The following PTPN20 variants were observed in gnomAD, a reference collection of about 807,000 sequenced individuals.
The protein encoded by PTPN20 is protein tyrosine phosphatase non-receptor type 20.
In PTPN20, 9 loss-of-function variants were observed where a neutral mutation model predicts 35.0. The ratio of observed to expected loss-of-function variants is 0.26; its 90% confidence interval spans 0.15 to 0.45. The LOEUF (loss-of-function observed/expected upper bound fraction) is 0.45, where lower values mean the gene tolerates loss of function less well. Among genes scored for constraint, PTPN20 ranks in the 20% least tolerant of loss-of-function variants. The pLI is 1.00. For missense variants in PTPN20, 111 were observed against 312.5 expected, an observed-to-expected ratio of 0.36 and a Z score of 4.86; for synonymous variants, 32 against 100.2, an observed-to-expected ratio of 0.32 and a Z score of 4.06.
In PTPN20 at chr10:46,922,768, A is replaced by G. The variant is rs1295641043; in HGVS notation, c.-123-9609A>G. 7.2e-5 allele frequency among the ~76,000 whole-genome samples: 10 copies of G among 138,130 alleles called. No homozygotes were observed. In the East Asian group the frequency reaches 1.6e-3, roughly 22 times the overall value. The allele number at this position is 138,130 out of a possible 152,430, so 90.6% of individuals were successfully genotyped here. ...GAAACCTAATGAAAATTTCCCTGCC[A>G]TGTTTTGGACTTGTTTGAGACCTGT... On this transcript the variant is annotated intron_variant, in intron 1 of 10. Coordinates refer to ENST00000374339, the MANE Select transcript of PTPN20 (RefSeq NM_001042357.5).
intron 9 of PTPN20, among the ~76,000 whole-genome samples, chr10:46,992,813 T>A (rs2058246421): frequency 6.6e-6 from 1 of 152,240 alleles, no homozygotes; most frequent in East Asian, 1.9e-4. Context: ...ATTGCCAAAG[T>A]TCTTGCATTA....
intron 2 of PTPN20, among the ~76,000 whole-genome samples, chr10:46,933,428 T>C (rs2040409849): frequency 6.6e-6 from 1 of 151,404 alleles, no homozygotes; most frequent in African/African-American, 2.4e-5. Context: ...CTTGTGTAAC[T>C]GTTACTTGAT....
At chr10:46,995,154 A>T (rs1320845281) in intron 9 of PTPN20, among the ~76,000 whole-genome samples, 1 of 152,000 alleles carries the variant, frequency 6.6e-6, no homozygotes, top group Non-Finnish European at 1.5e-5. Context: ...TGGGGAGGTC[A>T]TGGTTTTGTG....
intron 5 of PTPN20, among the ~76,000 whole-genome samples, chr10:46,953,668 A>G (rs1469310784): frequency 7.2e-6 from 1 of 138,570 alleles, no homozygotes; most frequent in Non-Finnish European, 1.5e-5. Context: ...AGATCATCAT[A>G]TAGTTTTTCT....
At chr10:46,997,643 T>C (rs1253429922) in intron 9 of PTPN20, among the ~76,000 whole-genome samples, 42 of 142,214 alleles carry the variant, frequency 3.0e-4, no homozygotes, top group African/African-American at 9.1e-4. Context: ...AGCTAGAGAG[T>C]AACTATATGC....
intron 1 of PTPN20, among the ~76,000 whole-genome samples, chr10:46,925,274 C>A (rs2132591082): frequency 6.7e-6 from 1 of 148,680 alleles, no homozygotes; most frequent in African/African-American, 2.5e-5. Context: ...GCAACTTTAG[C>A]CACTCGCTTC....
chr10:46,999,637 T>A (rs1188892275), intron 9 of PTPN20, among the ~76,000 whole-genome samples: 1 of 152,222 alleles, frequency 6.6e-6, no homozygotes, highest in Non-Finnish European at 1.5e-5. Flanking sequence ...AAGTTCTGCC[T>A]TTGGATAACA....
intron 1 of PTPN20, chr10:46,925,896 T>TG (rs1167975282): frequency 1.1e-6 from 1 of 881,844 alleles, no homozygotes; most frequent in Middle Eastern, 5.8e-4. Flanking sequence ...AGGTTGGCCT[T>TG]TAGGCATATG....
At chr10:46,935,854 T>C (rs2041435597) in intron 2 of PTPN20, among the ~76,000 whole-genome samples, 1 of 152,194 alleles carries the variant, frequency 6.6e-6, no homozygotes, top group South Asian at 2.1e-4. Context: ...GTAGTTCTGT[T>C]TTATGTTCAT....
intron 1 of PTPN20, chr10:46,926,194 A>T: frequency 2.0e-6 from 2 of 982,960 alleles, no homozygotes; most frequent in Non-Finnish European, 2.4e-6. Context: ...TGGTTTGATG[A>T]TCTTTTATTG....
At position 47,001,912 on chromosome 10, in the gene PTPN20, G is replaced by A. The variant is rs929495305; in HGVS notation, c.*1171G>A. 5 of 152,018 alleles carry A rather than the reference G, an allele frequency of 3.3e-5. No individual in the cohort carries two copies. In the East Asian group the frequency reaches 5.8e-4, roughly 18 times the overall value. The allele number at this position is 152,018 out of a possible 1,614,324, so 9.4% of individuals were successfully genotyped here. ...GGTGACAAGCTATACCTAATTATAA[G>A]CTATAAAACAATAGATATGAGTGTT... On this transcript the variant is annotated 3_prime_UTR_variant, in exon 11 of 11. Transcript: ENST00000374339.
chr10:46,983,267 C>T (rs868972351), intron 7 of PTPN20, among the ~76,000 whole-genome samples: 48,956 of 151,172 alleles, frequency 0.32, 8,154 homozygotes, highest in South Asian at 0.48. Context: ...TTCATATTTA[C>T]AAGGGAAAGT....
rs782689648 is a variant in PTPN20, at chr10:46,999,990, A to G, written c.1197+16A>G. On this transcript the variant is annotated intron_variant, in intron 10 of 10. Transcript: ENST00000374339. ...TCAAACGAAGGTAAGCTTTCACCAC[A>G]TACATAATAATAAGAATAATGAATA... 5.0e-6 allele frequency: 8 copies of G among 1,613,568 alleles called. No homozygotes were observed. Among genetic ancestry groups the G allele is most frequent in the East Asian group, 4.5e-5 (2 of 44,876 alleles).
intron 5 of PTPN20, among the ~76,000 whole-genome samples, chr10:46,959,119 A>T (rs1216151704): frequency 7.1e-6 from 1 of 140,608 alleles, no homozygotes; most frequent in Admixed American, 7.2e-5. Flanking sequence ...GAAATCTTCA[A>T]TTATTATTGT....
chr10:46,929,390 G>A (rs2038817916), intron 1 of PTPN20, among the ~76,000 whole-genome samples: 2 of 150,290 alleles, frequency 1.3e-5, no homozygotes, highest in South Asian at 4.2e-4. Flanking sequence ...TTCCCCAGGA[G>A]TTGGAGGGAA....
chr10:46,993,420 T>G (rs1485617308), intron 9 of PTPN20, among the ~76,000 whole-genome samples: 1 of 152,208 alleles, frequency 6.6e-6, no homozygotes, highest in African/African-American at 2.4e-5. Flanking sequence ...AATTGTGCAG[T>G]AGACCTACAG....
intron 7 of PTPN20, among the ~76,000 whole-genome samples, chr10:46,968,700 A>C (rs1473236598): frequency 6.6e-6 from 1 of 151,854 alleles, no homozygotes; most frequent in African/African-American, 2.4e-5. Context: ...AAAGTTTTTC[A>C]AAACTAAATT....
chr10:46,981,093 G>C (rs1398889486), intron 7 of PTPN20, among the ~76,000 whole-genome samples: 4 of 150,274 alleles, frequency 2.7e-5, no homozygotes, highest in African/African-American at 9.7e-5. Context: ...GAAGGAACAT[G>C]GTTGGAAAAA....
intron 1 of PTPN20, among the ~76,000 whole-genome samples, chr10:46,928,349 T>G (rs2038374458): frequency 6.6e-6 from 1 of 151,848 alleles, no homozygotes; most frequent in Admixed American, 6.6e-5. Context: ...TTTCTGTATT[T>G]TATTTTAATT....
Sources: gnomAD v4.1 joint callset for allele counts (sites outside exome capture counted in the v4.1 genomes callset) on GRCh38, gnomAD v4.1.1 for gene constraint, MANE v1.5 for transcripts, NCBI Gene and HGNC (gene_info 2026-07-23, HGNC 2026-07-21) for gene names.